HOXA10: variants seen among roughly 807,000 people sequenced by gnomAD.
HOXA10 encodes the protein homeobox protein Hox-A10.
HOXA10 carries 12 observed loss-of-function variants against 29.7 expected under a neutral mutation model. That is an observed-to-expected ratio of 0.40 (90% CI 0.26 to 0.65). The LOEUF is 0.65. Among genes scored for constraint, HOXA10 ranks in the 30% least tolerant of loss-of-function variants. The pLI, the probability that HOXA10 is intolerant of heterozygous loss-of-function variation, is 0.37. For missense variants in HOXA10, 656 were observed against 585.9 expected (o/e 1.12, Z -1.24); for synonymous variants, 327 against 280.7 (o/e 1.16, Z -1.65).
upstream of HOXA10, among the ~76,000 whole-genome samples, chr7:27,174,526 C>T (rs1307736454): frequency 6.6e-6 from 1 of 152,228 alleles, no homozygotes; most frequent in Non-Finnish European, 1.5e-5. Context: ...GGCCCGAAGG[C>T]CGGGAGCTGT....
chr7:27,173,929 C>A lies in HOXA10; in HGVS notation c.378G>T (p.Arg126=), dbSNP rs982690005. ...GCGGCGGCCCGTCAGGCGGCTCCAT[C>A]CGGCAAGACCGGGGCGCGTCTAGCC... The part of the protein sequence containing the change: ...DLWLDAPRSC[R]MEPPDGPPPP... Residue 126 remains arginine, a synonymous_variant, in exon 1 of 2, where the codon CGG becomes CGT. Transcript: ENST00000283921. 6.6e-7 allele frequency: 1 copy of A among 1,521,414 alleles called. No individual in the cohort carries two copies. Among genetic ancestry groups the A allele is most frequent in the East Asian group, 2.5e-5 (1 of 39,372 alleles). 94.2% of individuals were successfully genotyped at this position (1,521,414 alleles called of 1,614,324 possible).
At chr7:27,175,805 G>A (rs899578512), upstream of HOXA10, among the ~76,000 whole-genome samples, 1 of 152,204 alleles carries the variant, frequency 6.6e-6, no homozygotes, top group African/African-American at 2.4e-5. Flanking sequence ...GAAATAGACC[G>A]CTCAGGCCGC....
Position 27,173,336 on chromosome 7 carries a change from C to A in HOXA10, c.958+13G>T. The A allele has an allele frequency of 1.9e-6, 3 of 1,611,722 alleles. No individual in the cohort carries two copies. The highest frequency in any genetic ancestry group is 1.7e-6 in the Non-Finnish European group (2 of 1,179,710). ...CTGCCCGCCTGACTGCAGCCCTCTG[C>A]AGCCCTGCTTACCCAGGGAATCCTT... is the stretch of plus-strand genomic sequence containing the variant. On this transcript the variant is annotated intron_variant, in intron 1 of 1. Transcript: ENST00000283921.
In HOXA10 at chr7:27,171,776, A is replaced by T. The variant is rs764446537; in HGVS notation, c.*123T>A. On this transcript the variant is annotated 3_prime_UTR_variant, in exon 2 of 2. Transcript: ENST00000283921. ...CTGCACAGATGTAACGGCCCAGGAG[A>T]TGGCGAGTGTGGGAGGGAGGAACAG... 5 of 969,992 alleles carry T rather than the reference A, an allele frequency of 5.2e-6. No individual in the cohort carries two copies. Among genetic ancestry groups the T allele is most frequent in the Non-Finnish European group, 8.4e-6 (5 of 594,520 alleles). 60.1% of individuals were successfully genotyped at this position (969,992 alleles called of 1,614,324 possible).
rs761592694 is a variant in HOXA10, at chr7:27,171,814, G to C, written c.*85C>G. On this transcript the variant is annotated 3_prime_UTR_variant, in exon 2 of 2. Transcript: ENST00000283921. Reference sequence around the variant, plus strand: ...GAGGGAGGAACAGGGCTCCAGCACAGGTGCGAGTTCCTGGGCAGAGCCTGA... The same window carrying C: ...GAGGGAGGAACAGGGCTCCAGCACACGTGCGAGTTCCTGGGCAGAGCCTGA... The C allele has an allele frequency of 7.2e-7, 1 of 1,380,416 alleles. No individual in the cohort carries two copies. Among genetic ancestry groups the C allele is most frequent in the Non-Finnish European group, 1.0e-6 (1 of 967,906 alleles). 85.5% of individuals were successfully genotyped at this position (1,380,416 alleles called of 1,614,324 possible). A position where few individuals can be genotyped will look rare whatever the true frequency, so the allele number is the denominator to read the frequency against.
chr7:27,172,284 G>C, intron 1 of HOXA10, 111 bp from the exon 2 acceptor site: 1 of 1,156,812 alleles, frequency 8.6e-7, no homozygotes, highest in Non-Finnish European at 1.3e-6. Context: ...AAGTCACAGA[G>C]AAGAGAGTCG....
At chr7:27,178,800 T>C (rs1859164), upstream of HOXA10, among the ~76,000 whole-genome samples, 59,068 of 152,032 alleles carry the variant, frequency 0.39, 12,643 homozygotes, top group East Asian at 0.53. Context: ...AATGGAAAAA[T>C]AGTAGAAAAA....
At position 27,179,660 on chromosome 7, in the gene HOXA10, G is replaced by A. The variant is rs1444771935; in HGVS notation, c.-5C>T. ...TGGCCTCTTACCTTGACACATTTCC[G>A]AAATCACTGCCAAGGGACAGCTGGC... On this transcript the variant is annotated 5_prime_UTR_variant, in exon 1 of 2. Transcript: ENST00000396344. 1.2e-5 allele frequency: 9 copies of A among 778,880 alleles called. No homozygotes were observed. The East Asian group carries it at 1.2e-4, about 11-fold the overall frequency. 48.2% of individuals were successfully genotyped at this position (778,880 alleles called of 1,614,324 possible).
intron 1 of HOXA10, chr7:27,172,834 A>G (rs909170062): frequency 1.2e-5 from 2 of 163,170 alleles, no homozygotes; most frequent in African/African-American, 4.8e-5. Flanking sequence ...TTCTTCCCGC[A>G]ACGAAGATTC....
upstream of HOXA10, among the ~76,000 whole-genome samples, chr7:27,176,474 G>A (rs1252963390): frequency 1.3e-5 from 2 of 152,358 alleles, no homozygotes; most frequent in East Asian, 3.9e-4. Flanking sequence ...CACCAGAAGG[G>A]TGGAACTGGC....
Position 27,172,109 on chromosome 7 carries a change from G to T in HOXA10, c.1023C>A (p.Cys341Ter). The T allele has an allele frequency of 6.2e-7, 1 of 1,613,678 alleles. No homozygotes were observed. Among genetic ancestry groups the T allele is most frequent in the Non-Finnish European group, 8.5e-7 (1 of 1,179,860 alleles). ...LTAKSGRKKR[C>*]PYTKHQTLEL... ...CCAGTGTCTGGTGCTTCGTGTAGGG[G>T]CAGCGCTTCTTCCGACCACTCTTTG... is the stretch of plus-strand genomic sequence containing the variant. The change falls in exon 2 of 2, where the codon TGC (cysteine) becomes TGA (stop). Residue 341 changes from cysteine to a stop codon, truncating the protein, a stop_gained. Transcript: ENST00000283921. LOFTEE classifies it high-confidence loss of function.
chr7:27,178,842 C>T (rs1333928806), upstream of HOXA10, among the ~76,000 whole-genome samples: 5 of 152,208 alleles, frequency 3.3e-5, no homozygotes, highest in African/African-American at 7.2e-5. Flanking sequence ...GAATTTGAAT[C>T]GATCCTTCAA....
In HOXA10 at chr7:27,173,487, G is replaced by T. The variant is rs1259248452; in HGVS notation, c.820C>A (p.Pro274Thr). 1 of 1,545,744 alleles carries T rather than the reference G, an allele frequency of 6.5e-7. No individual in the cohort carries two copies. Among genetic ancestry groups the T allele is most frequent in the Admixed American group, 2.0e-5 (1 of 51,092 alleles). ...CTGCCGCAAGCCAGCGTGGGGGGCG[G>T]CGGCGAATCGAGGGCTCGCTCCTTC... ...ARKERALDSP[P>T]PPTLACGSGG... Residue 274 changes from proline to threonine, a missense_variant, in exon 1 of 2, where the codon CCG becomes ACG. Around this residue, in one of 2 missense-constraint regions of HOXA10, gnomAD observed 594 missense variants for 491.9 expected, o/e 1.21. Transcript: ENST00000283921.
chr7:27,174,163 G>T lies in HOXA10; in HGVS notation c.144C>A (p.Gly48=), dbSNP rs755545078. The T allele has an allele frequency of 1.9e-6, 3 of 1,596,534 alleles. No individual in the cohort carries two copies. The highest frequency in any genetic ancestry group is 1.9e-4 in the Middle Eastern group (1 of 5,230). The change falls in exon 1 of 2, where the codon GGC becomes GGA. Residue 48 remains glycine (G), a synonymous_variant. Coordinates refer to ENST00000283921, the MANE Select transcript of HOXA10 (RefSeq NM_018951.4). ...GRGEAGGGGG[G]AGGGGGGGYY... ...AACCGCCACCGCCGCCGCCCCCCGC[G>T]CCACCACCACCGCCGCCTGCCTCGC...
upstream of HOXA10, among the ~76,000 whole-genome samples, chr7:27,176,524 C>T (rs1253026174): frequency 2.0e-5 from 3 of 152,226 alleles, no homozygotes. Flanking sequence ...GGAAATGCCA[C>T]AGAGCTGGGG....
chr7:27,172,184 A>G lies in HOXA10; in HGVS notation c.959-11T>C, dbSNP rs374571391. On this transcript the variant is annotated splice_polypyrimidine_tract_variant and intron_variant, in intron 1 of 1. Coordinates refer to ENST00000283921, the MANE Select transcript of HOXA10 (RefSeq NM_018951.4). ...CACCTTTGGAATTGCCTGGCATGTAAGAGAATAAAGAGGGGATGATTAAGT... is the reference window on the plus strand; with the variant it reads ...CACCTTTGGAATTGCCTGGCATGTAGGAGAATAAAGAGGGGATGATTAAGT... 5 of 1,613,232 alleles carry G rather than the reference A, an allele frequency of 3.1e-6. No individual in the cohort carries two copies. The highest frequency in any genetic ancestry group is 3.4e-6 in the Non-Finnish European group (4 of 1,179,990).
In HOXA10 at chr7:27,174,131, G is replaced by A. The variant is rs1159580800; in HGVS notation, c.176C>T (p.Ala59Val). ...AGGGGGGGYY[A>V]HGGVYLPPAA... ...GGGCGGCAGGTAGACCCCGCCGTGG[G>A]CGTAGTAACCGCCACCGCCGCCGCC... Residue 59 changes from alanine (A) to valine (V), a missense_variant, in exon 1 of 2, where the codon GCC becomes GTC. By Grantham distance (64) the Ala-to-Val change is moderately conservative. This residue lies in a region of HOXA10 where 594 missense variants were observed against 491.9 expected (regional missense o/e 1.21). Transcript: ENST00000283921. The A allele has an allele frequency of 2.5e-6, 4 of 1,592,724 alleles. No individual in the cohort carries two copies. The South Asian group carries it at 3.3e-5, about 13-fold the overall frequency.
At position 27,173,963 on chromosome 7, in the gene HOXA10, A is replaced by G; in HGVS notation, c.344T>C (p.Ile115Thr). The G allele has an allele frequency of 6.5e-7, 1 of 1,529,818 alleles. No individual in the cohort carries two copies. Among genetic ancestry groups the G allele is most frequent in the South Asian group, 1.2e-5 (1 of 82,870 alleles). 94.8% of individuals were successfully genotyped at this position (1,529,818 alleles called of 1,614,324 possible). The change falls in exon 1 of 2, where the codon ATA becomes ACA. Residue 115 changes from isoleucine (I) to threonine (T), a missense_variant. Around this residue, in one of 2 missense-constraint regions of HOXA10, gnomAD observed 594 missense variants for 491.9 expected, o/e 1.21. Coordinates refer to ENST00000283921, the MANE Select transcript of HOXA10 (RefSeq NM_018951.4). Reference protein sequence around the residue: ...PGAHGYGPSPIDLWLDAPRSC... With the variant: ...PGAHGYGPSPTDLWLDAPRSC... ...CCGGGGCGCGTCTAGCCACAGGTCT[A>G]TGGGCGAGGGCCCGTAGCCGTGCGC... is the stretch of plus-strand genomic sequence containing the variant.
At position 27,173,885 on chromosome 7, in the gene HOXA10, G is replaced by GGCT. The variant is rs754696109; in HGVS notation, c.419_421dup (p.Gln140dup). 6.4e-7 allele frequency: 1 copy of GGCT among 1,562,992 alleles called. No homozygotes were observed. The highest frequency in any genetic ancestry group is 8.7e-7 in the Non-Finnish European group (1 of 1,154,828). ...CTGGGGTGGTTGCGGCGGGGGCGGCGGCTGCTGCTGGGGCGGCGGCGGCGG... is the reference window on the plus strand; with the variant it reads ...CTGGGGTGGTTGCGGCGGGGGCGGCGGCTGCTGCTGCTGGGGCGGCGGCGGCGG... On this transcript the variant is annotated inframe_insertion, in exon 1 of 2. Coordinates refer to ENST00000283921, the MANE Select transcript of HOXA10 (RefSeq NM_018951.4).
Sources: gnomAD v4.1 joint callset for allele counts (sites outside exome capture counted in the v4.1 genomes callset) on GRCh38, gnomAD v4.1.1 for gene constraint, gnomAD v4.1.1 regional missense constraint, MANE v1.5 for transcripts, NCBI Gene and HGNC (gene_info 2026-07-23, HGNC 2026-07-21) for gene names.